Variants in HPSE2 observed in about 807,000 individuals in gnomAD.
HPSE2 encodes inactive heparanase-2.
Under a neutral mutation model 60.5 loss-of-function variants are expected in HPSE2, and 38 were observed. The ratio of observed to expected loss-of-function variants is 0.63; its 90% CI spans 0.48 to 0.82. The LOEUF is 0.82. HPSE2 is among the 40% of genes least tolerant of loss of function. The probability of loss-of-function intolerance (pLI) is 0.00; values close to 1 mark genes in which losing one functional copy is unlikely to be tolerated. For synonymous variants in HPSE2, 295 were observed against 293.2 expected, an observed-to-expected ratio of 1.01 and a Z score of -0.06; for missense variants, 713 against 740.4, an observed-to-expected ratio of 0.96 and a Z score of 0.43.
intron 3 of HPSE2, among the ~76,000 whole-genome samples, chr10:98,796,073 G>A (rs1296216819): frequency 6.6e-6 from 1 of 152,060 alleles, no homozygotes; most frequent in Non-Finnish European, 1.5e-5. Context: ...CTCACTTTAG[G>A]GTGTGACCCA....
chr10:99,241,633 C>T, the HPSE2 span, among the ~76,000 whole-genome samples: 1 of 152,098 alleles, frequency 6.6e-6, no homozygotes, highest in Non-Finnish European at 1.5e-5. Flanking sequence ...TGGCACATGC[C>T]TGTAGTCCAA....
chr10:99,296,174 A>G, the HPSE2 span, among the ~76,000 whole-genome samples: 1 of 152,218 alleles, frequency 6.6e-6, no homozygotes, highest in Non-Finnish European at 1.5e-5. Context: ...GCCTCTGAAC[A>G]TTTAGCTTTC....
chr10:99,213,238 C>T (rs1849008887), intron 2 of HPSE2, among the ~76,000 whole-genome samples: 1 of 151,556 alleles, frequency 6.6e-6, no homozygotes, highest in Non-Finnish European at 1.5e-5. Context: ...GTCCAAAATG[C>T]AGAGAAGAGA....
chr10:98,923,216 T>C (rs537734801), intron 3 of HPSE2, among the ~76,000 whole-genome samples: 2 of 152,366 alleles, frequency 1.3e-5, no homozygotes, highest in South Asian at 2.1e-4. Flanking sequence ...AAATATCTCA[T>C]GCCACTCTCT....
intron 3 of HPSE2, among the ~76,000 whole-genome samples, chr10:98,803,534 C>A (rs1355113523): frequency 5.3e-5 from 8 of 152,000 alleles, no homozygotes; most frequent in South Asian, 2.1e-4. Context: ...TCAGCTTTCT[C>A]CATATGGCTA....
At chr10:99,146,048 T>C (rs951068759) in intron 2 of HPSE2, among the ~76,000 whole-genome samples, 4 of 152,296 alleles carry the variant, frequency 2.6e-5, no homozygotes, top group Non-Finnish European at 5.9e-5. Context: ...ATTTAACAAA[T>C]AACTAGTCTC....
chr10:99,291,929 G>A, the HPSE2 span, among the ~76,000 whole-genome samples: 1 of 152,138 alleles, frequency 6.6e-6, no homozygotes, highest in Non-Finnish European at 1.5e-5. Context: ...AGAAAGGCCT[G>A]CACAGGTGTC....
At chr10:99,284,766 G>A in the HPSE2 span, among the ~76,000 whole-genome samples, 1 of 152,170 alleles carries the variant, frequency 6.6e-6, no homozygotes, top group Non-Finnish European at 1.5e-5. Context: ...ATGGGAGTTT[G>A]TTATACAGAT....
intron 3 of HPSE2, among the ~76,000 whole-genome samples, chr10:99,051,435 C>T (rs1238866643): frequency 6.6e-6 from 1 of 152,068 alleles, no homozygotes; most frequent in African/African-American, 2.4e-5. Flanking sequence ...TCAGGGCATT[C>T]ATCAGTCTGT....
intron 2 of HPSE2, among the ~76,000 whole-genome samples, chr10:99,158,723 G>A (rs1846693169): frequency 6.7e-6 from 1 of 149,992 alleles, no homozygotes; most frequent in Non-Finnish European, 1.5e-5. Flanking sequence ...ATGTGCACAT[G>A]TACCCTAAAA....
At chr10:99,014,899 A>G (rs923949047) in intron 3 of HPSE2, among the ~76,000 whole-genome samples, 3 of 152,240 alleles carry the variant, frequency 2.0e-5, no homozygotes, top group African/African-American at 7.2e-5. Context: ...ACAGAATGGG[A>G]GAAAATTTTT....
At chr10:98,658,854 G>A (rs1470607747) in intron 6 of HPSE2, among the ~76,000 whole-genome samples, 2 of 151,104 alleles carry the variant, frequency 1.3e-5, no homozygotes, top group East Asian at 3.9e-4. Context: ...TCAGCAATTT[G>A]ACTATGATTT....
intron 3 of HPSE2, among the ~76,000 whole-genome samples, chr10:99,057,065 A>G (rs1958131362): frequency 6.6e-6 from 1 of 152,206 alleles, no homozygotes; most frequent in Admixed American, 6.6e-5. Flanking sequence ...TTTGCTGGAA[A>G]GAAATGATAA....
intron 3 of HPSE2, among the ~76,000 whole-genome samples, chr10:99,009,895 A>C (rs1435378908): frequency 6.6e-6 from 1 of 152,272 alleles, no homozygotes; most frequent in East Asian, 1.9e-4. Flanking sequence ...TAGGAAGGAC[A>C]TAAACTTGGA....
In HPSE2 at chr10:99,173,579, GT is replaced by G. The variant is rs556298961; in HGVS notation, c.449-29181del. 1.4e-4 allele frequency among the ~76,000 whole-genome samples: 21 copies of G among 152,216 alleles called. 1 individual carries two copies. The South Asian group carries it at 2.5e-3, about 18-fold the overall frequency. On this transcript the variant is annotated intron_variant, in intron 2 of 11. Coordinates refer to ENST00000370552, the MANE Select transcript of HPSE2 (RefSeq NM_021828.5). ...GTGATACAAATTAGATCTGAAAAGT[GT>G]TTAATAAATACTGGAAAGGGTCTGT...
intron 3 of HPSE2, among the ~76,000 whole-genome samples, chr10:99,115,656 T>C (rs1018981772): frequency 7.2e-5 from 11 of 152,130 alleles, no homozygotes; most frequent in Non-Finnish European, 1.6e-4. Flanking sequence ...ATACGTACAG[T>C]TTTTGTAATT....
At chr10:99,108,254 A>C (rs1844324074) in intron 3 of HPSE2, among the ~76,000 whole-genome samples, 1 of 152,208 alleles carries the variant, frequency 6.6e-6, no homozygotes, top group African/African-American at 2.4e-5. Flanking sequence ...GAGTCTGTTG[A>C]AAGCCTATTA....
At chr10:99,085,184 C>T (rs1312844795) in intron 3 of HPSE2, among the ~76,000 whole-genome samples, 1 of 152,180 alleles carries the variant, frequency 6.6e-6, no homozygotes, top group African/African-American at 2.4e-5. Flanking sequence ...AGAGGGATCT[C>T]TCTTACTAGA....
At chr10:99,007,227 T>G (rs1589505545) in intron 3 of HPSE2, among the ~76,000 whole-genome samples, 1 of 151,988 alleles carries the variant, frequency 6.6e-6, no homozygotes, top group Admixed American at 6.5e-5. Context: ...AGCCTAGACA[T>G]TGAGTCCACA....
Sources: gnomAD v4.1 joint callset for allele counts (sites outside exome capture counted in the v4.1 genomes callset) on GRCh38, gnomAD v4.1.1 for gene constraint, MANE v1.5 for transcripts, NCBI Gene and HGNC (gene_info 2026-07-23, HGNC 2026-07-21) for gene names.